The following RAD18 variants were observed in gnomAD, a reference collection of about 807,000 sequenced individuals.
The protein encoded by RAD18 is RAD18 E3 ubiquitin protein ligase, also known as E3 ubiquitin-protein ligase RAD18.
Under a neutral mutation model 60.4 loss-of-function variants are expected in RAD18, and 47 were observed. The ratio of observed to expected loss-of-function variants is 0.78; its 90% confidence interval spans 0.62 to 0.99. The LOEUF is 0.99. Ranked by LOEUF, RAD18 falls within the 50% of genes least tolerant of loss-of-function variation. RAD18 has a pLI of 0.00. For missense variants in RAD18, 640 were observed against 593.3 expected (o/e 1.08, Z -0.82); for synonymous variants, 225 against 195.5 (o/e 1.15, Z -1.26).
chr3:8,957,930 A>G (rs1332952795), intron 2 of RAD18, among the ~76,000 whole-genome samples: 2 of 152,274 alleles, frequency 1.3e-5, no homozygotes, highest in Non-Finnish European at 2.9e-5. Context: ...TTACACCCAA[A>G]TAAAGATGAT....
rs942670976 is a variant in RAD18, at chr3:8,947,378, T to C, written c.196-88A>G. 3 of 1,037,572 alleles carry C rather than the reference T, an allele frequency of 2.9e-6. No individual in the cohort carries two copies. The Admixed American group carries it at 5.9e-5, about 20-fold the overall frequency. 64.3% of individuals were successfully genotyped at this position (1,037,572 alleles called of 1,614,324 possible). On this transcript the variant is annotated intron_variant, in intron 3 of 12. Transcript: ENST00000264926. The stretch of plus-strand genomic sequence containing the variant: ...GTTTTTGAAAATGTCTGACCCATCC[T>C]CCTGAGGTTCTCCATCCCACTAAGT...
In RAD18 at chr3:8,898,896, A is replaced by G. The variant is rs1162968761; in HGVS notation, c.1320T>C (p.Asn440=). 6 of 1,578,116 alleles carry G rather than the reference A, an allele frequency of 3.8e-6. No individual in the cohort carries two copies. The highest frequency in any genetic ancestry group is 2.3e-5 in the East Asian group (1 of 44,332). Residue 440 remains asparagine (N), a splice_region_variant and synonymous_variant, in exon 11 of 13, where the codon AAT becomes AAC. Transcript: ENST00000264926. The stretch of plus-strand genomic sequence containing the variant: ...ATCAACTACTGCATGTTTCTTACCT[A>G]TTGCATGAATCTGATTCTGATGAAG... The part of the protein sequence containing the change: ...VLSSSESDSC[N]SSSSDIIRDL...
intron 1 of RAD18, among the ~76,000 whole-genome samples, chr3:8,960,554 T>G (rs946392004): frequency 3.3e-5 from 5 of 152,222 alleles, no homozygotes; most frequent in African/African-American, 1.2e-4. Context: ...AAAAACATGC[T>G]TTCAAAGAAT....
At chr3:8,942,919 G>A (rs559539144) in intron 4 of RAD18, among the ~76,000 whole-genome samples, 17 of 152,302 alleles carry the variant, frequency 1.1e-4, no homozygotes, top group African/African-American at 2.9e-4. Context: ...TTAGTTGTTC[G>A]CATTGGAGCC....
intron 9 of RAD18, among the ~76,000 whole-genome samples, chr3:8,910,794 C>T (rs935550172): frequency 6.6e-6 from 1 of 152,208 alleles, no homozygotes; most frequent in African/African-American, 2.4e-5. Context: ...AAATCTCCAT[C>T]TTTCATATTA....
intron 7 of RAD18, among the ~76,000 whole-genome samples, chr3:8,927,496 G>A (rs1940462216): frequency 6.6e-6 from 1 of 152,228 alleles, no homozygotes; most frequent in African/African-American, 2.4e-5. Context: ...GTAGAAGTCA[G>A]TGTGGCAATT....
At chr3:8,927,636 A>G (rs1940465042) in intron 7 of RAD18, among the ~76,000 whole-genome samples, 13 of 152,226 alleles carry the variant, frequency 8.5e-5, no homozygotes, top group Admixed American at 8.5e-4. Flanking sequence ...CACTATTCAC[A>G]ATGGCAAAGA....
intron 6 of RAD18, among the ~76,000 whole-genome samples, chr3:8,939,139 A>C: frequency 6.6e-6 from 1 of 152,072 alleles, no homozygotes; most frequent in Admixed American, 6.6e-5. Flanking sequence ...TGAAAAATTC[A>C]ATTTTAAATT....
chr3:8,882,257 G>T (rs1458499586), intron 12 of RAD18, among the ~76,000 whole-genome samples: 2 of 152,226 alleles, frequency 1.3e-5, no homozygotes, highest in African/African-American at 4.8e-5. Context: ...GGCCTCTGGG[G>T]AAGGAACAGA....
intron 5 of RAD18, 133 bp downstream of exon 5, chr3:8,941,334 C>T (rs1940742968): frequency 1.3e-6 from 1 of 780,282 alleles, no homozygotes; most frequent in Admixed American, 2.9e-5. Context: ...ACAACAATGT[C>T]TGAGGTTTGT....
chr3:8,927,219 CACAA>C (rs951563265), intron 7 of RAD18, among the ~76,000 whole-genome samples: 3 of 152,078 alleles, frequency 2.0e-5, no homozygotes, highest in African/African-American at 7.2e-5. Flanking sequence ...ACAAGAAAAA[CACAA>C]ACAAACCCAT....
At chr3:8,919,890 C>A (rs971927365) in intron 7 of RAD18, among the ~76,000 whole-genome samples, 2 of 152,146 alleles carry the variant, frequency 1.3e-5, no homozygotes, top group Non-Finnish European at 1.5e-5. Context: ...TGAAGACACT[C>A]CTGCTGGCCA....
intron 6 of RAD18, among the ~76,000 whole-genome samples, chr3:8,936,585 T>C (rs148703137): frequency 6.6e-6 from 1 of 152,320 alleles, no homozygotes; most frequent in East Asian, 1.9e-4. Flanking sequence ...ATTAGATGCT[T>C]AACAAAAATG....
rs1940166019 is a variant in RAD18, at chr3:8,914,714, G to C, written c.890-994C>G. Among the ~76,000 whole-genome samples the C allele has an allele frequency of 2.6e-5, 4 of 152,128 alleles. No homozygotes were observed. The South Asian group carries it at 8.3e-4, about 32-fold the overall frequency. On this transcript the variant is annotated intron_variant, in intron 7 of 12. Coordinates refer to ENST00000264926, the MANE Select transcript of RAD18 (RefSeq NM_020165.4). ...ATCTCTCTGTGAAGATGACCAGCTA[G>C]TGGTTCTCTCCTTTCCAAAATGAGT... is the stretch of plus-strand genomic sequence containing the variant.
intron 5 of RAD18, among the ~76,000 whole-genome samples, chr3:8,941,070 A>C (rs1036281534): frequency 3.9e-5 from 6 of 152,224 alleles, no homozygotes; most frequent in African/African-American, 1.4e-4. Flanking sequence ...TGACTAGGTT[A>C]GGCCTCAAAT....
At chr3:8,929,192 T>G (rs989550503) in intron 7 of RAD18, among the ~76,000 whole-genome samples, 5 of 151,930 alleles carry the variant, frequency 3.3e-5, no homozygotes, top group Admixed American at 6.5e-5. Flanking sequence ...AAGAGCAAAT[T>G]AAACCTAAAG....
intron 7 of RAD18, among the ~76,000 whole-genome samples, chr3:8,917,819 GAGAC>G (rs1448959522): frequency 1.3e-5 from 2 of 152,066 alleles, no homozygotes; most frequent in Admixed American, 1.3e-4. Flanking sequence ...CACCAATTAA[GAGAC>G]AGAGGATGTC....
intron 4 of RAD18, among the ~76,000 whole-genome samples, chr3:8,946,632 A>G (rs923599945): frequency 6.6e-6 from 1 of 152,234 alleles, no homozygotes; most frequent in Admixed American, 6.5e-5. Context: ...TGCATATCTG[A>G]GCTTTATAAA....
intron 7 of RAD18, among the ~76,000 whole-genome samples, chr3:8,932,526 G>T (rs970187299): frequency 6.6e-6 from 1 of 152,102 alleles, no homozygotes; most frequent in Admixed American, 6.5e-5. Context: ...TGTTAGCAAG[G>T]GTGTGGCAAA....
Sources: allele counts gnomAD v4.1 joint callset (sites outside exome capture counted in the v4.1 genomes callset), GRCh38; gene constraint gnomAD v4.1.1; transcripts MANE v1.5; gene names NCBI Gene and HGNC (gene_info 2026-07-23, HGNC 2026-07-21).